Variants in SLC44A5 observed in about 807,000 individuals in gnomAD.
SLC44A5 encodes solute carrier family 44 member 5, also known as choline transporter-like protein 5.
SLC44A5 carries 57 observed loss-of-function variants against 101.8 expected under a neutral mutation model. The ratio of observed to expected loss-of-function variants is 0.56; its 90% CI spans 0.45 to 0.70. SLC44A5 has a LOEUF of 0.70. Among genes scored for constraint, SLC44A5 ranks in the 30% least tolerant of loss-of-function variants. SLC44A5 has a pLI of 0.00. For synonymous variants in SLC44A5, 281 were observed against 290.9 expected, an observed-to-expected ratio of 0.97 and a Z score of 0.35; for missense variants, 737 against 853.1, an observed-to-expected ratio of 0.86 and a Z score of 1.70.
chr1:75,370,078 T>C (rs1660127481), intron 3 of SLC44A5, among the ~76,000 whole-genome samples: 1 of 152,258 alleles, frequency 6.6e-6, no homozygotes, highest in South Asian at 2.1e-4. Context: ...CTAAGAACTT[T>C]ATTCAATGAA....
chr1:75,390,196 C>G (rs879855128), intron 3 of SLC44A5, among the ~76,000 whole-genome samples: 1 of 151,972 alleles, frequency 6.6e-6, no homozygotes, highest in Admixed American at 6.6e-5. Context: ...AGCCCTGTAG[C>G]AGACAAACTC....
intron 4 of SLC44A5, among the ~76,000 whole-genome samples, chr1:75,338,661 A>G (rs1464293994): frequency 6.6e-6 from 1 of 152,212 alleles, no homozygotes; most frequent in Non-Finnish European, 1.5e-5. Flanking sequence ...AGGTGCCTTT[A>G]TTCTAAGTAT....
chr1:75,300,014 C>CAAAAAAAAAAAAAAAAAAAAAAAAAAAA (rs35608663), intron 5 of SLC44A5, among the ~76,000 whole-genome samples: 3 of 93,796 alleles, frequency 3.2e-5, no homozygotes, highest in African/African-American at 1.6e-4. Flanking sequence ...GACTCTGTCT[C>CAAAAAAAAAAAAAAAAAAAAAAAAAAAA]AAAAAAAAAA....
chr1:75,232,348 C>T (rs187488295), intron 12 of SLC44A5, among the ~76,000 whole-genome samples: 2 of 152,202 alleles, frequency 1.3e-5, no homozygotes, highest in African/African-American at 2.4e-5. Context: ...GATGACAATG[C>T]AAGAGTGATT....
chr1:75,330,367 T>G (rs1054327727), intron 4 of SLC44A5, among the ~76,000 whole-genome samples: 1 of 151,902 alleles, frequency 6.6e-6, no homozygotes, highest in Admixed American at 6.6e-5. Context: ...GTGATGGCCT[T>G]ACCTCATAAT....
intron 2 of SLC44A5, among the ~76,000 whole-genome samples, chr1:75,412,624 A>G (rs1663354046): frequency 6.6e-6 from 1 of 152,174 alleles, no homozygotes; most frequent in South Asian, 2.1e-4. Context: ...TCTCATCCAC[A>G]GTTTTGCTTT....
chr1:75,287,304 T>C (rs540474360), intron 5 of SLC44A5, among the ~76,000 whole-genome samples: 40 of 152,150 alleles, frequency 2.6e-4, no homozygotes, highest in African/African-American at 9.4e-4. Flanking sequence ...TTTTTATTTA[T>C]GCTGTCTATT....
At chr1:75,660,478 A>C in the SLC44A5 span, among the ~76,000 whole-genome samples, 6 of 152,068 alleles carry the variant, frequency 3.9e-5, no homozygotes, top group African/African-American at 1.5e-4. Flanking sequence ...AGCCAGAGCA[A>C]TTAGACAAAA....
intron 2 of SLC44A5, among the ~76,000 whole-genome samples, chr1:75,404,853 C>A (rs1206134127): frequency 6.6e-6 from 1 of 152,168 alleles, no homozygotes; most frequent in African/African-American, 2.4e-5. Flanking sequence ...ACAATATTAA[C>A]CTTCAATGTA....
rs553946261 is a variant in SLC44A5 at position 75,581,055 on chromosome 1, T to C, written c.-70+29985A>G. The stretch of plus-strand genomic sequence containing the variant: ...GAAAGTCAGAAATATCTTAAGGCAA[T>C]AAAATTTTTAAAAACAAATTATGTT... On this transcript the variant is annotated intron_variant, in intron 1 of 23. Transcript: ENST00000370859. Among the ~76,000 whole-genome samples the C allele has an allele frequency of 2.6e-5, 4 of 152,208 alleles. No homozygotes were observed. In the East Asian group the frequency reaches 5.8e-4, roughly 22 times the overall value.
chr1:75,218,655 G>C lies in SLC44A5; in HGVS notation c.1364C>G (p.Thr455Ser). The C allele has an allele frequency of 6.2e-7, 1 of 1,613,836 alleles. No homozygotes were observed. The highest frequency in any genetic ancestry group is 8.5e-7 in the Non-Finnish European group (1 of 1,179,776). The part of the protein sequence containing the change: ...GKSLYHQYIP[T>S]FHVYNLFVFL... Reference sequence around the variant, plus strand: ...GACAAATAAGTTGTATACATGGAAGGTAGGGATGTACTGATGGTACAAGCT... The same window carrying C: ...GACAAATAAGTTGTATACATGGAAGCTAGGGATGTACTGATGGTACAAGCT... Residue 455 changes from threonine to serine, a missense_variant, in exon 17 of 24, where the codon ACC becomes AGC. By Grantham distance (58) the Thr-to-Ser change is moderately conservative. This residue lies in a region of SLC44A5 where 665 missense variants were observed against 764.4 expected (regional missense o/e 0.87). Coordinates refer to ENST00000370859, the MANE Select transcript of SLC44A5 (RefSeq NM_001130058.2).
At chr1:75,501,590 T>C (rs1428363725) in intron 2 of SLC44A5, among the ~76,000 whole-genome samples, 1 of 150,446 alleles carries the variant, frequency 6.6e-6, no homozygotes, top group Non-Finnish European at 1.5e-5. Flanking sequence ...AAATCCACTT[T>C]CTCATTATAT....
At chr1:75,385,719 T>C (rs1661281039) in intron 3 of SLC44A5, among the ~76,000 whole-genome samples, 1 of 152,140 alleles carries the variant, frequency 6.6e-6, no homozygotes, top group Non-Finnish European at 1.5e-5. Flanking sequence ...GAAGCCAGCA[T>C]CATTCTGATA....
At chr1:75,236,788 G>A (rs1428508453) in intron 11 of SLC44A5, among the ~76,000 whole-genome samples, 199 bp downstream of exon 11, 3 of 151,960 alleles carry the variant, frequency 2.0e-5, no homozygotes, top group Non-Finnish European at 4.4e-5. Context: ...CCAACAGTGG[G>A]CATATTTCCA....
chr1:75,608,298 C>G (rs1328537548), intron 1 of SLC44A5, among the ~76,000 whole-genome samples: 1 of 151,578 alleles, frequency 6.6e-6, no homozygotes, highest in African/African-American at 2.4e-5. Context: ...CGTGTCTATC[C>G]ACAGATGAAT....
chr1:75,705,976 C>A, the SLC44A5 span, among the ~76,000 whole-genome samples: 2 of 152,178 alleles, frequency 1.3e-5, no homozygotes, highest in Non-Finnish European at 2.9e-5. Flanking sequence ...CCATGCCCAG[C>A]CTCATCAGCT....
chr1:75,487,315 G>T (rs1417164547), intron 2 of SLC44A5, among the ~76,000 whole-genome samples: 2 of 152,154 alleles, frequency 1.3e-5, no homozygotes, highest in Non-Finnish European at 2.9e-5. Context: ...TGGCAACTCA[G>T]AAGTGATGAT....
intron 4 of SLC44A5, among the ~76,000 whole-genome samples, chr1:75,325,872 G>T (rs1656551265): frequency 6.6e-6 from 1 of 151,426 alleles, no homozygotes; most frequent in African/African-American, 2.4e-5. Flanking sequence ...ATATTTTGGG[G>T]GTGCAACCGA....
chr1:75,710,380 A>AC, the SLC44A5 span: 1 of 151,812 alleles, frequency 6.6e-6, no homozygotes, highest in Non-Finnish European at 1.5e-5. Flanking sequence ...ACATGGTGAG[A>AC]CCCCATCTCT....
Sources: gnomAD v4.1 joint callset for allele counts (sites outside exome capture counted in the v4.1 genomes callset) on GRCh38, gnomAD v4.1.1 for gene constraint, gnomAD v4.1.1 regional missense constraint, MANE v1.5 for transcripts, NCBI Gene and HGNC (gene_info 2026-07-23, HGNC 2026-07-21) for gene names.